SPAG9: variants seen among roughly 807,000 people sequenced by gnomAD.
SPAG9 encodes the protein sperm associated antigen 9.
Under a neutral mutation model 166.5 loss-of-function variants are expected in SPAG9, and 35 were observed. The observed-to-expected ratio is 0.21, with a 90% CI of 0.16 to 0.28. The LOEUF is 0.28. Ranked by LOEUF, SPAG9 falls within the 10% of genes least tolerant of loss-of-function variation. The pLI is 1.00. For synonymous variants in SPAG9, 534 were observed against 565.5 expected, an observed-to-expected ratio of 0.94 and a Z score of 0.79; for missense variants, 1,235 against 1,603.3, an observed-to-expected ratio of 0.77 and a Z score of 3.92.
At chr17:50,968,809 G>A (rs1339558509) in intron 29 of SPAG9, among the ~76,000 whole-genome samples, 1 of 152,106 alleles carries the variant, frequency 6.6e-6, no homozygotes, top group South Asian at 2.1e-4. Flanking sequence ...ACTCTTTCAC[G>A]AGCATCAGTT....
rs150320467 is a variant in SPAG9 at position 51,076,462 on chromosome 17, G to A, written c.424+3122C>T. ...TGAAAACTTGGTACCCAGGCTGGGCGCAGTGGCTCACACCTGTAATCCCAG... is the reference window on the plus strand; with the variant it reads ...TGAAAACTTGGTACCCAGGCTGGGCACAGTGGCTCACACCTGTAATCCCAG... On this transcript the variant is annotated intron_variant, in intron 2 of 29. Transcript: ENST00000262013. Among the ~76,000 whole-genome samples the A allele has an allele frequency of 5.4e-5, 8 of 147,634 alleles. No homozygotes were observed. In the East Asian group the frequency reaches 8.3e-4, roughly 15 times the overall value.
At chr17:51,018,968 C>T (rs927799636) in intron 8 of SPAG9, among the ~76,000 whole-genome samples, 2 of 152,128 alleles carry the variant, frequency 1.3e-5, no homozygotes, top group Admixed American at 6.5e-5. Context: ...CTATAAAATT[C>T]AGCTGTTGCC....
intron 1 of SPAG9, among the ~76,000 whole-genome samples, chr17:51,091,236 G>A (rs376555443): frequency 4.1e-4 from 60 of 146,956 alleles, no homozygotes; most frequent in African/African-American, 1.5e-3. Context: ...GTGAGCCACT[G>A]CACTCCAGCC....
chr17:50,973,137 GAAGC>G (rs1361763801), intron 28 of SPAG9, among the ~76,000 whole-genome samples: 4 of 152,192 alleles, frequency 2.6e-5, no homozygotes, highest in East Asian at 1.9e-4. Context: ...CAAAAAATGA[GAAGC>G]AAGTTGTAGA....
intron 2 of SPAG9, among the ~76,000 whole-genome samples, chr17:51,066,594 C>T (rs1234466637): frequency 7.3e-6 from 1 of 136,512 alleles, no homozygotes; most frequent in Admixed American, 7.7e-5. Flanking sequence ...CCATGGCTCA[C>T]GCCTGTAATC....
intron 8 of SPAG9, among the ~76,000 whole-genome samples, chr17:51,016,057 A>G (rs12103509): frequency 0.043 from 6,580 of 152,230 alleles, 485 homozygotes; most frequent in African/African-American, 0.15. Context: ...CAAGAACTCA[A>G]ATAACAACAC....
intron 8 of SPAG9, among the ~76,000 whole-genome samples, chr17:51,017,746 G>GTTAACTTACTTAACATTTATTGAAT (rs2045763310): frequency 6.6e-6 from 1 of 152,094 alleles, no homozygotes; most frequent in Admixed American, 6.6e-5. Context: ...ATTGAATGGG[G>GTTAACTTACTTAACATTTATTGAAT]CATTTTGCAA....
intron 22 of SPAG9, among the ~76,000 whole-genome samples, chr17:50,986,596 C>T (rs981443397): frequency 1.2e-4 from 18 of 152,202 alleles, no homozygotes; most frequent in Admixed American, 6.5e-5. Context: ...TGTAAATGCA[C>T]AATTTTGTAA....
Position 51,058,285 on chromosome 17 carries a change from G to A in SPAG9, c.425-1803C>T, listed in dbSNP as rs181234242. Among the ~76,000 whole-genome samples, 541 of 152,260 alleles carry A rather than the reference G, an allele frequency of 3.6e-3. 3 individuals carry two copies. The highest frequency in any genetic ancestry group is 6.8e-3 in the Middle Eastern group (2 of 294). ...CTAATAGCAGCCAACAACATCAAGT[G>A]CTTACTATGTACCATACAGTCCTAA... On this transcript the variant is annotated intron_variant, in intron 2 of 29. Coordinates refer to ENST00000262013, the MANE Select transcript of SPAG9 (RefSeq NM_001130528.3).
intron 1 of SPAG9, among the ~76,000 whole-genome samples, chr17:51,104,758 C>T (rs940886941): frequency 4.0e-5 from 6 of 151,724 alleles, no homozygotes; most frequent in African/African-American, 7.3e-5. Flanking sequence ...ACGGTGAAAC[C>T]CCGTCTCTAC....
At chr17:51,090,152 G>A (rs1023116171) in intron 1 of SPAG9, among the ~76,000 whole-genome samples, 7 of 152,000 alleles carry the variant, frequency 4.6e-5, no homozygotes, top group Non-Finnish European at 7.4e-5. Context: ...ATTTTGAGTC[G>A]ATGTAAAGGT....
intron 27 of SPAG9, 142 bp from the exon 28 acceptor site, chr17:50,975,089 C>T (rs1974117463): frequency 2.8e-6 from 2 of 703,868 alleles, no homozygotes; most frequent in African/African-American, 1.9e-5. Context: ...CAATTCAAGA[C>T]AAAGCTGGGA....
chr17:51,011,710 C>T (rs1245009067), intron 9 of SPAG9, among the ~76,000 whole-genome samples: 2 of 151,778 alleles, frequency 1.3e-5, no homozygotes, highest in South Asian at 2.1e-4. Flanking sequence ...CCATCTTTGA[C>T]CAAAAATATT....
In SPAG9 at chr17:51,005,257, C is replaced by T. The variant is rs1446249170; in HGVS notation, c.1431G>A (p.Arg477=). 1 of 1,613,802 alleles carries T rather than the reference C, an allele frequency of 6.2e-7. No individual in the cohort carries two copies. Among genetic ancestry groups the T allele is most frequent in the African/African-American group, 1.3e-5 (1 of 74,976 alleles). The change falls in exon 12 of 30, where the codon CGG becomes CGA. Residue 477 remains arginine (R), a synonymous_variant. Transcript: ENST00000262013. ...RELEEELRKA[R]AEAEDARQKA... is the part of the protein sequence containing the mutation. ...TTTGCCTTGCATCTTCAGCTTCTGC[C>T]CGAGCTCTAGTGGGGAAAAAACAAA... is the stretch of plus-strand genomic sequence containing the variant.
intron 2 of SPAG9, among the ~76,000 whole-genome samples, chr17:51,071,655 T>A (rs1357122253): frequency 1.3e-5 from 2 of 152,234 alleles, no homozygotes; most frequent in Non-Finnish European, 2.9e-5. Flanking sequence ...CATGATAGAT[T>A]CCATACTATC....
rs1973245231 is a variant in SPAG9, at chr17:50,964,186, C to T, written c.*2086G>A. 1 of 152,132 alleles carries T rather than the reference C, an allele frequency of 6.6e-6. No homozygotes were observed. Among genetic ancestry groups the T allele is most frequent in the Non-Finnish European group, 1.5e-5 (1 of 68,034 alleles). The allele number at this position is 152,132 out of a possible 1,614,324, so 9.4% of individuals were successfully genotyped here. A position where few individuals can be genotyped will look rare whatever the true frequency, so the allele number is the denominator to read the frequency against. Reference sequence around the variant, plus strand: ...TCAGTGGTACTTAAGAATGTTTAGACAATTTGACATCTACGTTTGCTTTCT... The same window carrying T: ...TCAGTGGTACTTAAGAATGTTTAGATAATTTGACATCTACGTTTGCTTTCT... On this transcript the variant is annotated 3_prime_UTR_variant, in exon 30 of 30. Transcript: ENST00000262013.
At chr17:50,974,402 A>G (rs1219875236) in intron 28 of SPAG9, among the ~76,000 whole-genome samples, 2 of 152,200 alleles carry the variant, frequency 1.3e-5, no homozygotes, top group Admixed American at 6.5e-5. Context: ...AAGGTACCAG[A>G]GTGCATTCTC....
At chr17:51,082,471 C>A (rs2048193653) in intron 1 of SPAG9, among the ~76,000 whole-genome samples, 1 of 149,172 alleles carries the variant, frequency 6.7e-6, no homozygotes, top group Non-Finnish European at 1.5e-5. Context: ...CCTCATCCAA[C>A]ATGCTATTTT....
chr17:51,013,041 T>C (rs1041309132), intron 9 of SPAG9, among the ~76,000 whole-genome samples: 7 of 152,098 alleles, frequency 4.6e-5, no homozygotes, highest in African/African-American at 1.4e-4. Context: ...TAGATAGACA[T>C]TTAGATAGAA....
Sources: gnomAD v4.1 joint callset for allele counts (sites outside exome capture counted in the v4.1 genomes callset) on GRCh38, gnomAD v4.1.1 for gene constraint, MANE v1.5 for transcripts, NCBI Gene and HGNC (gene_info 2026-07-23, HGNC 2026-07-21) for gene names.